Variants in ABLIM2 observed in about 807,000 individuals in gnomAD.
ABLIM2 encodes the protein actin binding LIM protein family member 2.
ABLIM2 carries 53 observed loss-of-function variants against 97.7 expected under a neutral mutation model. The ratio of observed to expected loss-of-function variants is 0.54; its 90% confidence interval spans 0.44 to 0.68. The LOEUF (loss-of-function observed/expected upper bound fraction) is 0.68. Ranked by LOEUF, ABLIM2 falls within the 30% of genes least tolerant of loss-of-function variation. The probability of loss-of-function intolerance (pLI) is 0.00; values close to 1 mark genes in which losing one functional copy is unlikely to be tolerated. For synonymous variants in ABLIM2, 361 were observed against 345.8 expected (o/e 1.04, Z -0.49); for missense variants, 835 against 867.2 (o/e 0.96, Z 0.47).
intron 17 of ABLIM2, among the ~76,000 whole-genome samples, chr4:7,985,499 G>T (rs1393955397): frequency 6.6e-6 from 1 of 152,140 alleles, no homozygotes; most frequent in Non-Finnish European, 1.5e-5. Flanking sequence ...GAGCTACGCG[G>T]ACGCACGTGG....
intron 10 of ABLIM2, among the ~76,000 whole-genome samples, chr4:8,031,494 C>T (rs962809666): frequency 3.3e-5 from 5 of 152,206 alleles, no homozygotes; most frequent in African/African-American, 4.8e-5. Flanking sequence ...CACCCAGGTA[C>T]CATGGCCGTC....
At position 8,128,870 on chromosome 4, in the gene ABLIM2, G is replaced by T. The variant is rs1264621645; in HGVS notation, c.11-22233C>A. Among the ~76,000 whole-genome samples, 2 of 152,228 alleles carry T rather than the reference G, an allele frequency of 1.3e-5. No individual in the cohort carries two copies. Among genetic ancestry groups the T allele is most frequent in the African/African-American group, 4.8e-5 (2 of 41,468 alleles). ...TGCGAGGAAAAGGCGGCTGTCTGCAGCTCAGAAGAGGGCCCACCCAGAGCC... is the reference window on the plus strand; with the variant it reads ...TGCGAGGAAAAGGCGGCTGTCTGCATCTCAGAAGAGGGCCCACCCAGAGCC... On this transcript the variant is annotated intron_variant, in intron 1 of 20. Transcript: ENST00000447017. This position sits in a 1 kb window ranked among gnomAD's most constrained non-coding sequence, Gnocchi z 4.9.
rs1336238328 is a variant in ABLIM2, at chr4:7,970,817, A to G, written c.1825-3714T>C. Among the ~76,000 whole-genome samples, 1 of 151,936 alleles carries G rather than the reference A, an allele frequency of 6.6e-6. No individual in the cohort carries two copies. Among genetic ancestry groups the G allele is most frequent in the Non-Finnish European group, 1.5e-5 (1 of 67,960 alleles). On this transcript the variant is annotated intron_variant, in intron 20 of 20. Transcript: ENST00000447017. This position sits in a 1 kb window ranked among gnomAD's most constrained non-coding sequence, Gnocchi z 5.3. ...GGGGAGCAGCCTGGTTGGGCAGACCACAGCAACAGGGAGGGGCCGGGGGTG... is the reference window on the plus strand; with the variant it reads ...GGGGAGCAGCCTGGTTGGGCAGACCGCAGCAACAGGGAGGGGCCGGGGGTG...
intron 6 of ABLIM2, among the ~76,000 whole-genome samples, chr4:8,076,283 C>A (rs373711916): frequency 1.3e-5 from 2 of 152,214 alleles, no homozygotes; most frequent in South Asian, 4.1e-4. Flanking sequence ...CTTTTTCTTG[C>A]CAGAAAAGCC....
intron 20 of ABLIM2, among the ~76,000 whole-genome samples, chr4:7,969,908 G>A (rs1726385374): frequency 6.6e-6 from 1 of 152,114 alleles, no homozygotes; most frequent in East Asian, 1.9e-4. Flanking sequence ...TTGGTGCTGA[G>A]AAATCCATCA....
intron 9 of ABLIM2, among the ~76,000 whole-genome samples, chr4:8,042,202 C>T (rs865907557): frequency 1.5e-4 from 23 of 152,196 alleles, no homozygotes; most frequent in Non-Finnish European, 2.6e-4. Context: ...TTCCTACCCC[C>T]GCTGAAGTGA....
intron 1 of ABLIM2, among the ~76,000 whole-genome samples, chr4:8,145,713 G>C (rs1234546933): frequency 6.7e-6 from 1 of 148,484 alleles, no homozygotes; most frequent in African/African-American, 2.5e-5. Context: ...TTTTATAACC[G>C]TAGACTAAAT....
intron 6 of ABLIM2, chr4:8,066,470 C>T (rs1432079679): frequency 6.6e-6 from 1 of 151,772 alleles, no homozygotes; most frequent in African/African-American, 2.4e-5. Context: ...ATGATGTTCA[C>T]AGAAGCATTC....
At chr4:8,057,098 C>CTTTT (rs11333108) in intron 7 of ABLIM2, among the ~76,000 whole-genome samples, 19 of 130,110 alleles carry the variant, frequency 1.5e-4, no homozygotes, top group South Asian at 2.6e-4. Context: ...TTCTTTCTTT[C>CTTTT]TTTTTTTTTT....
At chr4:8,012,305 C>T (rs188962794) in intron 14 of ABLIM2, among the ~76,000 whole-genome samples, 4 of 151,462 alleles carry the variant, frequency 2.6e-5, no homozygotes, top group Admixed American at 2.6e-4. Flanking sequence ...TCCACCCATC[C>T]TTCACCCATC....
At chr4:8,090,952 G>A (rs1426807652) in intron 3 of ABLIM2, among the ~76,000 whole-genome samples, 1 of 152,022 alleles carries the variant, frequency 6.6e-6, no homozygotes, top group Non-Finnish European at 1.5e-5. Context: ...TTGCCAACCA[G>A]CCTCTCCGCG....
chr4:7,993,474 A>G (rs1471663747), intron 16 of ABLIM2, among the ~76,000 whole-genome samples: 1 of 152,212 alleles, frequency 6.6e-6, no homozygotes, highest in Non-Finnish European at 1.5e-5. Flanking sequence ...ACTTGAGGCC[A>G]GGAGTTCAAG....
chr4:8,047,258 C>T lies in ABLIM2; in HGVS notation c.823-2017G>A, dbSNP rs528649767. Among the ~76,000 whole-genome samples the T allele has an allele frequency of 3.3e-5, 5 of 152,266 alleles. No homozygotes were observed. The East Asian group carries it at 5.8e-4, about 18-fold the overall frequency. Reference sequence around the variant, plus strand: ...TGGGCATGACACTCCACCACCTGTCCGCCACCTCTGCACTCGCCTCCGCTC... The same window carrying T: ...TGGGCATGACACTCCACCACCTGTCTGCCACCTCTGCACTCGCCTCCGCTC... On this transcript the variant is annotated intron_variant, in intron 8 of 20. Transcript: ENST00000447017.
intron 1 of ABLIM2, among the ~76,000 whole-genome samples, chr4:8,153,009 A>AG (rs1554126271): frequency 6.6e-6 from 1 of 152,190 alleles, no homozygotes; most frequent in Non-Finnish European, 1.5e-5. Context: ...AAGGGCCCTA[A>AG]GTATCTTTGC....
intron 10 of ABLIM2, among the ~76,000 whole-genome samples, chr4:8,031,603 C>A (rs1221408467): frequency 1.3e-5 from 2 of 152,184 alleles, no homozygotes; most frequent in Non-Finnish European, 2.9e-5. Flanking sequence ...TCCTCCTGCA[C>A]CTCATAGTGC....
chr4:8,036,302 G>C lies in ABLIM2; in HGVS notation c.901-7C>G, dbSNP rs746776932. 2 of 1,613,342 alleles carry C rather than the reference G, an allele frequency of 1.2e-6. No individual in the cohort carries two copies. Among genetic ancestry groups the C allele is most frequent in the South Asian group, 1.1e-5 (1 of 91,016 alleles). ...TCTCACCACCAAGCTTGGCCTGAGAGGGGAAAGAGAATTGGGGAGGGGACA... is the reference window on the plus strand; with the variant it reads ...TCTCACCACCAAGCTTGGCCTGAGACGGGAAAGAGAATTGGGGAGGGGACA... On this transcript the variant is annotated splice_polypyrimidine_tract_variant and splice_region_variant and intron_variant, in intron 9 of 20. Coordinates refer to ENST00000447017, the MANE Select transcript of ABLIM2 (RefSeq NM_001130083.2).
Position 8,061,752 on chromosome 4 carries a change from T to A in ABLIM2, c.676-698A>T, listed in dbSNP as rs1262886825. Among the ~76,000 whole-genome samples the A allele has an allele frequency of 6.6e-6, 1 of 151,962 alleles. No homozygotes were observed. Among genetic ancestry groups the A allele is most frequent in the East Asian group, 1.9e-4 (1 of 5,164 alleles). On this transcript the variant is annotated intron_variant, in intron 6 of 20. Coordinates refer to ENST00000447017, the MANE Select transcript of ABLIM2 (RefSeq NM_001130083.2). The surrounding 1 kb of genome is among the most constrained non-coding windows in gnomAD (Gnocchi z 4.5). ...ACGGCGGGTGCAGCCTATTGCTAAA[T>A]GTGGATGCTAAATCCCCGTGGCTCA...
rs2152662717 is a variant in ABLIM2 at position 8,097,166 on chromosome 4, C to G, written c.271G>C (p.Glu91Gln). 1 of 1,610,046 alleles carries G rather than the reference C, an allele frequency of 6.2e-7. No homozygotes were observed. Among genetic ancestry groups the G allele is most frequent in the Non-Finnish European group, 8.5e-7 (1 of 1,178,438 alleles). Reference protein sequence around the residue: ...TRCFSCDQFIEGEVVSALGKT... With the variant: ...TRCFSCDQFIQGEVVSALGKT... ...CCCAGCGCCGACACCACCTCACCCT[C>G]AATGAACTGGTCGCAGCTGAAGCAG... Residue 91 changes from glutamate to glutamine, a missense_variant, in exon 3 of 21, where the codon GAG (glutamate) becomes CAG (glutamine). By Grantham distance (29) the Glu-to-Gln change is conservative. Transcript: ENST00000447017.
rs545114766 is a variant in ABLIM2 at position 8,091,353 on chromosome 4, T to TTA, written c.339-3071_339-3070dup. ...TATTATATATATAATATATATATAA[T>TTA]TATATATATATTATATTACATATAA... On this transcript the variant is annotated intron_variant, in intron 3 of 20. Transcript: ENST00000447017. 5.4e-4 allele frequency among the ~76,000 whole-genome samples: 24 copies of TTA among 44,138 alleles called. 2 individuals carry two copies. The South Asian group carries it at 1.0e-2, about 18-fold the overall frequency. The allele number at this position is 44,138 out of a possible 152,430, so 29.0% of individuals were successfully genotyped here.
Sources: gnomAD v4.1 joint callset for allele counts (sites outside exome capture counted in the v4.1 genomes callset) on GRCh38, gnomAD v4.1.1 for gene constraint, Gnocchi (gnomAD v3.1) non-coding constraint, MANE v1.5 for transcripts, NCBI Gene and HGNC (gene_info 2026-07-23, HGNC 2026-07-21) for gene names.